Variants in JAZF1 observed in about 807,000 individuals in gnomAD.
JAZF1 encodes JAZF zinc finger 1, also known as juxtaposed with another zinc finger protein 1.
A neutral mutation model predicts 26.4 loss-of-function variants in JAZF1; 8 were observed. The observed-to-expected ratio is 0.30, with a 90% confidence interval of 0.18 to 0.55. JAZF1 has a LOEUF of 0.55. JAZF1 is among the 20% of genes least tolerant of loss of function. JAZF1 has a pLI of 0.94. For synonymous variants in JAZF1, 126 were observed against 122.3 expected (o/e 1.03, Z -0.20); for missense variants, 199 against 322.0 (o/e 0.62, Z 2.92).
intron 1 of JAZF1, among the ~76,000 whole-genome samples, chr7:28,098,956 A>G (rs1309947397): frequency 2.0e-5 from 3 of 152,226 alleles, no homozygotes; most frequent in Non-Finnish European, 2.9e-5. Context: ...GTTCTGAATT[A>G]AATGTTCTCT....
intron 2 of JAZF1, among the ~76,000 whole-genome samples, chr7:27,987,472 C>T (rs1376940330): frequency 1.3e-5 from 2 of 152,004 alleles, no homozygotes; most frequent in Non-Finnish European, 1.5e-5. Flanking sequence ...CCGCCCCGTC[C>T]AGGAGGTTGG....
chr7:28,029,099 C>T (rs1306014602), intron 1 of JAZF1, among the ~76,000 whole-genome samples: 1 of 152,038 alleles, frequency 6.6e-6, no homozygotes, highest in Admixed American at 6.5e-5. Context: ...TGAAGTTTTT[C>T]ACTTCTAAGG....
intron 1 of JAZF1, among the ~76,000 whole-genome samples, chr7:28,049,959 A>G (rs1360650833): frequency 1.3e-5 from 2 of 152,036 alleles, no homozygotes; most frequent in African/African-American, 4.8e-5. Flanking sequence ...TATGAATTTA[A>G]TCTCCAGCTC....
chr7:28,008,208 T>C (rs979866575), intron 1 of JAZF1, among the ~76,000 whole-genome samples: 1 of 152,026 alleles, frequency 6.6e-6, no homozygotes, highest in Non-Finnish European at 1.5e-5. Flanking sequence ...TTTAATTATT[T>C]ATTTTTAAAA....
At chr7:27,982,374 G>A (rs1032242660) in intron 2 of JAZF1, among the ~76,000 whole-genome samples, 4 of 150,060 alleles carry the variant, frequency 2.7e-5, no homozygotes, top group South Asian at 2.1e-4. Flanking sequence ...ATCTGAGATC[G>A]AACAGCAAGG....
At chr7:27,885,102 CCT>C (rs1010628582) in intron 3 of JAZF1, among the ~76,000 whole-genome samples, 1 of 152,190 alleles carries the variant, frequency 6.6e-6, no homozygotes, top group Non-Finnish European at 1.5e-5. Context: ...TACATGGCCC[CCT>C]GACCTTGATT....
chr7:27,918,346 A>G (rs1784476680), intron 2 of JAZF1, among the ~76,000 whole-genome samples: 1 of 152,198 alleles, frequency 6.6e-6, no homozygotes, highest in South Asian at 2.1e-4. Context: ...CACTCCAGCC[A>G]ACATTTATCT....
chr7:27,946,487 G>A (rs1024606884), intron 2 of JAZF1, among the ~76,000 whole-genome samples: 3 of 152,122 alleles, frequency 2.0e-5, no homozygotes, highest in African/African-American at 4.8e-5. Flanking sequence ...AAAAACATCC[G>A]AGAGTCTCCA....
intron 1 of JAZF1, among the ~76,000 whole-genome samples, chr7:28,142,573 T>C (rs1782973428): frequency 6.6e-6 from 1 of 152,164 alleles, no homozygotes. Flanking sequence ...CACCTTTCCT[T>C]TGTCCTGCCA....
chr7:28,119,157 A>C (rs1226051783), intron 1 of JAZF1, among the ~76,000 whole-genome samples: 1 of 152,034 alleles, frequency 6.6e-6, no homozygotes, highest in Admixed American at 6.6e-5. Context: ...TCCCACCCTC[A>C]AGAAGCTCCT....
intron 1 of JAZF1, among the ~76,000 whole-genome samples, chr7:28,098,690 C>T (rs182470398): frequency 6.6e-6 from 1 of 152,274 alleles, no homozygotes; most frequent in Admixed American, 6.5e-5. Flanking sequence ...ATGCTAGACT[C>T]ACAACTAAGC....
At chr7:28,048,696 T>C (rs377138553) in intron 1 of JAZF1, among the ~76,000 whole-genome samples, 2 of 152,168 alleles carry the variant, frequency 1.3e-5, no homozygotes. Context: ...ACACAAAACC[T>C]TGTAAATGAA....
At chr7:28,094,338 G>A (rs1784347752) in intron 1 of JAZF1, among the ~76,000 whole-genome samples, 1 of 152,264 alleles carries the variant, frequency 6.6e-6, no homozygotes, top group Non-Finnish European at 1.5e-5. Flanking sequence ...CCAGCCTGAA[G>A]GTCCCACGGC....
chr7:27,977,060 C>G (rs1785486235), intron 2 of JAZF1, among the ~76,000 whole-genome samples: 1 of 152,192 alleles, frequency 6.6e-6, no homozygotes, highest in Admixed American at 6.5e-5. Flanking sequence ...TTTATAATGG[C>G]TACTCTGAAG....
At chr7:27,896,452 C>T (rs76569173) in intron 2 of JAZF1, among the ~76,000 whole-genome samples, 2,473 of 152,296 alleles carry the variant, frequency 0.016, 58 homozygotes, top group African/African-American at 0.055. Flanking sequence ...CAGCTGTCCC[C>T]ACCACCTAGG....
At chr7:27,869,455 T>C (rs548222866) in intron 3 of JAZF1, among the ~76,000 whole-genome samples, 1 of 152,282 alleles carries the variant, frequency 6.6e-6, no homozygotes, top group East Asian at 1.9e-4. Flanking sequence ...TAGACAGCAG[T>C]AGCTCGACGG....
intron 1 of JAZF1, among the ~76,000 whole-genome samples, chr7:28,150,079 T>C (rs1344856988): frequency 6.6e-6 from 1 of 152,178 alleles, no homozygotes; most frequent in Non-Finnish European, 1.5e-5. Flanking sequence ...AGGAACTTTC[T>C]AGGGGAGGCA....
At chr7:28,059,151 G>A (rs17156304) in intron 1 of JAZF1, among the ~76,000 whole-genome samples, 8,519 of 152,132 alleles carry the variant, frequency 0.056, 420 homozygotes, top group African/African-American at 0.13. Flanking sequence ...GACCTTCTTT[G>A]TAATTAATAA....
chr7:27,867,988 C>A (rs1783507774), intron 3 of JAZF1, among the ~76,000 whole-genome samples: 1 of 152,184 alleles, frequency 6.6e-6, no homozygotes, highest in East Asian at 1.9e-4. Context: ...GACCGACTAG[C>A]CTGGGTTCCA....
Sources: allele counts gnomAD v4.1 joint callset (sites outside exome capture counted in the v4.1 genomes callset), GRCh38; gene constraint gnomAD v4.1.1; transcripts MANE v1.5; gene names NCBI Gene and HGNC (gene_info 2026-07-23, HGNC 2026-07-21).